LMBR1: variants seen among roughly 807,000 people sequenced by gnomAD.
LMBR1 encodes limb region 1 protein homolog.
A neutral mutation model predicts 73.9 loss-of-function variants in LMBR1; 52 were observed. The observed-to-expected ratio is 0.70, with a 90% confidence interval of 0.56 to 0.89. The LOEUF (loss-of-function observed/expected upper bound fraction) is 0.89. Among genes scored for constraint, LMBR1 ranks in the 40% least tolerant of loss-of-function variants. The pLI is 0.00. For synonymous variants in LMBR1, 215 were observed against 209.4 expected, an observed-to-expected ratio of 1.03 and a Z score of -0.23; for missense variants, 539 against 579.8, an observed-to-expected ratio of 0.93 and a Z score of 0.72.
At chr7:156,798,463 TC>T (rs891241487) in intron 4 of LMBR1, among the ~76,000 whole-genome samples, 1 of 151,960 alleles carries the variant, frequency 6.6e-6, no homozygotes, top group Admixed American at 6.6e-5. Flanking sequence ...ATCTCTTCCC[TC>T]CCCCAACAGC....
intron 15 of LMBR1, among the ~76,000 whole-genome samples, chr7:156,722,960 C>T (rs868413685): frequency 6.6e-6 from 1 of 151,974 alleles, no homozygotes; most frequent in Non-Finnish European, 1.5e-5. Flanking sequence ...ATTTAATAGA[C>T]TGTCATAATA....
At chr7:156,718,595 G>A (rs1372646833) in intron 15 of LMBR1, among the ~76,000 whole-genome samples, 1 of 151,994 alleles carries the variant, frequency 6.6e-6, no homozygotes, top group Non-Finnish European at 1.5e-5. Context: ...GTGTGGTGGT[G>A]TGGTGTAAGT....
chr7:156,836,753 T>C (rs932307985), intron 2 of LMBR1, 60 bp downstream of exon 2: 1 of 1,075,166 alleles, frequency 9.3e-7, no homozygotes, highest in Non-Finnish European at 1.4e-6. Context: ...ATATCTTATA[T>C]ACCATGCCTA....
At chr7:156,768,204 C>T (rs369031274) in intron 5 of LMBR1, among the ~76,000 whole-genome samples, 1 of 151,836 alleles carries the variant, frequency 6.6e-6, no homozygotes, top group African/African-American at 2.4e-5. Flanking sequence ...TGGTGAAAGC[C>T]CGTCTCTACT....
At chr7:156,762,881 C>G (rs1823367727) in intron 7 of LMBR1, among the ~76,000 whole-genome samples, 1 of 145,648 alleles carries the variant, frequency 6.9e-6, no homozygotes, top group African/African-American at 2.5e-5. Flanking sequence ...GTCTGTCCGT[C>G]TGTCTCACTC....
rs764840725 is a variant in LMBR1, at chr7:156,892,981, C to G, written c.13G>C (p.Asp5His). ...TGCTGCTCCCGCGCCGACACCTCGT[C>G]CTGCCCTTCCATCCTCCTTCATGCC... MEGQDEVSAREQHFH... is the reference protein window; with the variant it reads MEGQHEVSAREQHFH... The change falls in exon 1 of 17, where the codon GAC becomes CAC. Residue 5 changes from aspartate (D) to histidine (H), a missense_variant. By Grantham distance (81) the Asp-to-His change is moderately conservative. This residue lies in a region of LMBR1 where 454 missense variants were observed against 473.4 expected (regional missense o/e 0.96). Coordinates refer to ENST00000353442, the MANE Select transcript of LMBR1 (RefSeq NM_022458.4). 3 of 1,538,962 alleles carry G rather than the reference C, an allele frequency of 1.9e-6. No individual in the cohort carries two copies. The highest frequency in any genetic ancestry group is 1.9e-5 in the Admixed American group (1 of 51,324).
intron 1 of LMBR1, among the ~76,000 whole-genome samples, chr7:156,841,096 A>C (rs1838631888): frequency 6.6e-6 from 1 of 152,084 alleles, no homozygotes. Context: ...AGGTGCTCAG[A>C]AGACATGGAA....
chr7:156,818,086 A>T (rs1834207805), intron 4 of LMBR1, among the ~76,000 whole-genome samples: 1 of 152,246 alleles, frequency 6.6e-6, no homozygotes. Context: ...TTTAGTGAAC[A>T]ACAGTACATT....
chr7:156,692,227 C>A (rs1243850328), intron 15 of LMBR1, among the ~76,000 whole-genome samples: 1 of 152,168 alleles, frequency 6.6e-6, no homozygotes. Flanking sequence ...CAGGCGCCCA[C>A]CACCACGCCC....
At chr7:156,740,258 T>C (rs983375760) in intron 9 of LMBR1, among the ~76,000 whole-genome samples, 5 of 151,710 alleles carry the variant, frequency 3.3e-5, no homozygotes, top group African/African-American at 4.8e-5. Flanking sequence ...AGCTAGAAAA[T>C]AGCCTAAAAG....
chr7:156,892,526 G>A (rs973928434), intron 1 of LMBR1: 1 of 158,658 alleles, frequency 6.3e-6, no homozygotes, highest in Admixed American at 6.5e-5. Context: ...TCCACACCCC[G>A]AGGCGCGAGC....
chr7:156,856,117 C>T (rs2134135217), intron 1 of LMBR1, among the ~76,000 whole-genome samples: 1 of 152,120 alleles, frequency 6.6e-6, no homozygotes, highest in East Asian at 1.9e-4. Flanking sequence ...ATGGCGTGAA[C>T]CTGGGAGGCG....
chr7:156,777,412 C>T (rs1408893945), intron 5 of LMBR1, among the ~76,000 whole-genome samples: 1 of 152,182 alleles, frequency 6.6e-6, no homozygotes, highest in Non-Finnish European at 1.5e-5. Context: ...CTAATTCTTT[C>T]GTTCTATAAA....
At chr7:156,747,936 A>C (rs1167931691) in intron 9 of LMBR1, 1 of 152,204 alleles carries the variant, frequency 6.6e-6, no homozygotes, top group Non-Finnish European at 1.5e-5. Context: ...TACACCACAG[A>C]GCCAATGCTG....
At chr7:156,748,405 T>C (rs1043907026) in intron 9 of LMBR1, among the ~76,000 whole-genome samples, 2 of 152,206 alleles carry the variant, frequency 1.3e-5, no homozygotes, top group Admixed American at 6.5e-5. Flanking sequence ...TATAAGCTAC[T>C]ATTGGGAATA....
At chr7:156,742,261 A>G (rs767624161) in intron 9 of LMBR1, among the ~76,000 whole-genome samples, 3 of 152,090 alleles carry the variant, frequency 2.0e-5, no homozygotes, top group Non-Finnish European at 4.4e-5. Flanking sequence ...ACCAAACCCA[A>G]AATTAATAAA....
intron 1 of LMBR1, among the ~76,000 whole-genome samples, chr7:156,856,222 G>GTAGA (rs59069931): frequency 0.014 from 2,148 of 151,916 alleles, 22 homozygotes; most frequent in African/African-American, 0.029. Context: ...AGACAGATAG[G>GTAGA]TAGATAGATA....
At chr7:156,804,805 T>C (rs1027092084) in intron 4 of LMBR1, among the ~76,000 whole-genome samples, 10 of 137,952 alleles carry the variant, frequency 7.2e-5, no homozygotes, top group African/African-American at 2.4e-4. Flanking sequence ...CTCTTTATTC[T>C]CTTAACAGTA....
intron 3 of LMBR1, among the ~76,000 whole-genome samples, chr7:156,831,138 C>A (rs1167656068): frequency 6.6e-6 from 1 of 151,982 alleles, no homozygotes; most frequent in Non-Finnish European, 1.5e-5. Context: ...CAAAGCAAAA[C>A]AAAACTAAAT....
Sources: gnomAD v4.1 joint callset for allele counts (sites outside exome capture counted in the v4.1 genomes callset) on GRCh38, gnomAD v4.1.1 for gene constraint, gnomAD v4.1.1 regional missense constraint, MANE v1.5 for transcripts, NCBI Gene and HGNC (gene_info 2026-07-23, HGNC 2026-07-21) for gene names.